Variants in RAPGEF4 observed in about 807,000 individuals in gnomAD.
The protein encoded by RAPGEF4 is RAP guanine-nucleotide-exchange factor (GEF) 4.
In RAPGEF4, 66 loss-of-function variants were observed where a neutral mutation model predicts 147.9. The ratio of observed to expected loss-of-function variants is 0.45; its 90% confidence interval spans 0.37 to 0.55. RAPGEF4 has a LOEUF of 0.55. Ranked by LOEUF, RAPGEF4 falls within the 20% of genes least tolerant of loss-of-function variation. The pLI, the probability that RAPGEF4 is intolerant of heterozygous loss-of-function variation, is 0.00. For missense variants in RAPGEF4, 1,071 were observed against 1,257.3 expected (o/e 0.85, Z 2.24); for synonymous variants, 419 against 442.7 (o/e 0.95, Z 0.67).
chr2:172,958,571 C>T (rs1363361788), intron 6 of RAPGEF4, among the ~76,000 whole-genome samples: 4 of 152,226 alleles, frequency 2.6e-5, no homozygotes, highest in African/African-American at 4.8e-5. Context: ...CATAACAGAG[C>T]ATGGACTATT....
chr2:172,854,212 C>G (rs1010741656), intron 4 of RAPGEF4, among the ~76,000 whole-genome samples: 1 of 151,740 alleles, frequency 6.6e-6, no homozygotes, highest in African/African-American at 2.4e-5. Flanking sequence ...AAGTATTTGT[C>G]TTTTTCTTCA....
intron 4 of RAPGEF4, among the ~76,000 whole-genome samples, chr2:172,818,007 A>G (rs1266262091): frequency 6.7e-6 from 1 of 150,374 alleles, no homozygotes; most frequent in East Asian, 1.9e-4. Context: ...ACTCAGCCAT[A>G]AAAAGGAACA....
At chr2:173,020,538 C>CA in intron 22 of RAPGEF4, 80 bp from the exon 23 acceptor site, 1 of 1,109,338 alleles carries the variant, frequency 9.0e-7, no homozygotes, top group Non-Finnish European at 1.4e-6. Context: ...ACCAAGCTGG[C>CA]AATTTGTTGG....
At chr2:172,752,550 A>C (rs1304900323) in intron 1 of RAPGEF4, among the ~76,000 whole-genome samples, 2 of 152,210 alleles carry the variant, frequency 1.3e-5, no homozygotes, top group East Asian at 3.8e-4. Context: ...ATGGTATTTG[A>C]AAGTCTAGGT....
At chr2:173,003,967 A>G (rs1037442451) in intron 17 of RAPGEF4, among the ~76,000 whole-genome samples, 4 of 152,238 alleles carry the variant, frequency 2.6e-5, no homozygotes, top group Non-Finnish European at 4.4e-5. Flanking sequence ...GTATTTTTAA[A>G]GTGCTTAACA....
chr2:172,781,626 C>G (rs923179798), intron 1 of RAPGEF4, among the ~76,000 whole-genome samples: 31 of 152,148 alleles, frequency 2.0e-4, no homozygotes, highest in Admixed American at 3.3e-4. Context: ...TACAGTCGTC[C>G]TGGGGTACCC....
At chr2:172,915,511 A>G (rs1204660283) in intron 4 of RAPGEF4, among the ~76,000 whole-genome samples, 1 of 151,820 alleles carries the variant, frequency 6.6e-6, no homozygotes, top group Non-Finnish European at 1.5e-5. Flanking sequence ...ACACCAGCCT[A>G]GACAACATGA....
chr2:172,968,358 T>C, intron 10 of RAPGEF4, among the ~76,000 whole-genome samples: 1 of 152,176 alleles, frequency 6.6e-6, no homozygotes, highest in Non-Finnish European at 1.5e-5. Flanking sequence ...GCATTACATG[T>C]TACATGTCCT....
intron 6 of RAPGEF4, among the ~76,000 whole-genome samples, chr2:172,938,534 C>T (rs1434636894): frequency 2.0e-5 from 3 of 152,168 alleles, no homozygotes; most frequent in African/African-American, 7.2e-5. Context: ...CAGTCTCTCA[C>T]GCTCCACTCA....
intron 4 of RAPGEF4, among the ~76,000 whole-genome samples, chr2:172,897,885 T>TTATAGTC (rs935045075): frequency 2.0e-5 from 3 of 150,990 alleles, no homozygotes; most frequent in African/African-American, 7.3e-5. Context: ...GTACTGTACT[T>TTATAGTC]TGTAAAGCAC....
intron 8 of RAPGEF4, among the ~76,000 whole-genome samples, chr2:172,963,417 T>C (rs1314513962): frequency 1.3e-5 from 2 of 152,258 alleles, no homozygotes. Context: ...AACTTTTTCT[T>C]TTCAAAATTG....
intron 17 of RAPGEF4, among the ~76,000 whole-genome samples, chr2:173,007,700 G>A (rs142537058): frequency 2.5e-3 from 385 of 152,198 alleles, no homozygotes; most frequent in African/African-American, 8.5e-3. Context: ...ATATAAGTAG[G>A]GAAGCCAGGA....
At chr2:172,824,493 G>T (rs1689447566) in intron 4 of RAPGEF4, among the ~76,000 whole-genome samples, 1 of 152,210 alleles carries the variant, frequency 6.6e-6, no homozygotes, top group African/African-American at 2.4e-5. Flanking sequence ...GAATTTCCTA[G>T]TGTAGTTTGT....
chr2:172,990,987 C>T (rs1419104299), intron 15 of RAPGEF4, 62 bp downstream of exon 15: 1 of 1,234,786 alleles, frequency 8.1e-7, no homozygotes, highest in African/African-American at 1.5e-5. Context: ...ATGGTATCAT[C>T]ATTTCTACAA....
intron 1 of RAPGEF4, among the ~76,000 whole-genome samples, chr2:172,770,977 T>C (rs1028379268): frequency 6.6e-6 from 1 of 152,210 alleles, no homozygotes; most frequent in Non-Finnish European, 1.5e-5. Flanking sequence ...GGCTGTAATG[T>C]AATACTTTCA....
At chr2:173,044,968 A>G (rs1383053752) in intron 29 of RAPGEF4, among the ~76,000 whole-genome samples, 1 of 152,210 alleles carries the variant, frequency 6.6e-6, no homozygotes, top group East Asian at 1.9e-4. Flanking sequence ...AGGCAGGCCA[A>G]CCTGCTCTGG....
chr2:172,821,906 T>C, intron 4 of RAPGEF4: 1 of 1,612,190 alleles, frequency 6.2e-7, no homozygotes, highest in Non-Finnish European at 8.5e-7. Flanking sequence ...GCTGATCAAA[T>C]AAAGGATAGA....
chr2:172,886,667 A>G (rs1319362016), intron 4 of RAPGEF4, among the ~76,000 whole-genome samples: 2 of 150,804 alleles, frequency 1.3e-5, no homozygotes, highest in South Asian at 2.1e-4. Flanking sequence ...TATCACACAG[A>G]AGTGAGATTC....
chr2:172,920,132 C>T (rs1239189946), intron 5 of RAPGEF4, among the ~76,000 whole-genome samples: 1 of 152,148 alleles, frequency 6.6e-6, no homozygotes, highest in Non-Finnish European at 1.5e-5. Context: ...ATACAGTTAA[C>T]ACCCTTATTT....
Sources: gnomAD v4.1 joint callset for allele counts (sites outside exome capture counted in the v4.1 genomes callset) on GRCh38, gnomAD v4.1.1 for gene constraint, MANE v1.5 for transcripts, NCBI Gene and HGNC (gene_info 2026-07-23, HGNC 2026-07-21) for gene names.